Variants in NEGR1 observed in about 807,000 individuals in gnomAD.
NEGR1 encodes the protein IgLON family member 4.
In NEGR1, 10 loss-of-function variants were observed where a neutral mutation model predicts 40.9. That is an observed-to-expected ratio of 0.24 (90% CI 0.15 to 0.42). NEGR1 has a LOEUF of 0.42. NEGR1 is among the 10% of genes least tolerant of loss of function. The pLI, the probability that NEGR1 is intolerant of heterozygous loss-of-function variation, is 1.00. For missense variants in NEGR1, 352 were observed against 438.9 expected, an observed-to-expected ratio of 0.80 and a Z score of 1.77; for synonymous variants, 185 against 166.8, an observed-to-expected ratio of 1.11 and a Z score of -0.84.
chr1:71,867,208 T>C (rs1660140557), intron 2 of NEGR1, among the ~76,000 whole-genome samples: 1 of 152,102 alleles, frequency 6.6e-6, no homozygotes, highest in African/African-American at 2.4e-5. Flanking sequence ...ACTCTATCTC[T>C]ACTAAAAATA....
chr1:72,000,031 G>A (rs1446199674), intron 1 of NEGR1, among the ~76,000 whole-genome samples: 7 of 151,450 alleles, frequency 4.6e-5, no homozygotes, highest in South Asian at 2.1e-4. Flanking sequence ...TATGTTGTTC[G>A]GTTCCCAGAA....
chr1:71,827,913 A>G (rs1658696248), intron 2 of NEGR1, among the ~76,000 whole-genome samples: 1 of 151,938 alleles, frequency 6.6e-6, no homozygotes, highest in Admixed American at 6.6e-5. Flanking sequence ...AGAAAATGGA[A>G]CCAAATGAAA....
intron 3 of NEGR1, among the ~76,000 whole-genome samples, chr1:71,728,694 A>C (rs1266492604): frequency 6.6e-6 from 1 of 152,180 alleles, no homozygotes; most frequent in African/African-American, 2.4e-5. Context: ...TCTGTAAAGA[A>C]AGGAACATTG....
chr1:71,854,191 A>G (rs949122146), intron 2 of NEGR1, among the ~76,000 whole-genome samples: 6 of 152,014 alleles, frequency 3.9e-5, no homozygotes, highest in African/African-American at 9.7e-5. Flanking sequence ...TCTTCCATCA[A>G]AATATTTTTG....
intron 6 of NEGR1, among the ~76,000 whole-genome samples, chr1:71,549,907 A>G (rs1557563165): frequency 6.6e-6 from 1 of 151,698 alleles, no homozygotes; most frequent in Non-Finnish European, 1.5e-5. Flanking sequence ...AACAAACTTC[A>G]GTTGAAATCT....
At chr1:72,272,164 C>T (rs1655868567) in intron 1 of NEGR1, among the ~76,000 whole-genome samples, 1 of 151,746 alleles carries the variant, frequency 6.6e-6, no homozygotes, top group African/African-American at 2.4e-5. Context: ...AATTCTATGT[C>T]ATCCCAAGTG....
intron 6 of NEGR1, among the ~76,000 whole-genome samples, chr1:71,534,347 T>A (rs1038156396): frequency 6.6e-6 from 1 of 151,608 alleles, no homozygotes; most frequent in Non-Finnish European, 1.5e-5. Context: ...CCAAAAGACA[T>A]CTTTTGTGGG....
chr1:71,995,721 G>A (rs1646498748), intron 1 of NEGR1, among the ~76,000 whole-genome samples: 1 of 152,138 alleles, frequency 6.6e-6, no homozygotes, highest in Non-Finnish European at 1.5e-5. Flanking sequence ...ATGAATAATT[G>A]TAGCCAGAAA....
intron 2 of NEGR1, among the ~76,000 whole-genome samples, chr1:71,867,720 A>G (rs1400029140): frequency 6.6e-6 from 1 of 152,160 alleles, no homozygotes; most frequent in Non-Finnish European, 1.5e-5. Context: ...TATCATGTTT[A>G]TTATTAATTA....
At position 71,400,101 on chromosome 1, in the gene NEGR1, T is replaced by C. The variant is rs1646237305; in HGVS notation, c.*7345A>G. On this transcript the variant is annotated 3_prime_UTR_variant, in exon 7 of 7. Transcript: ENST00000357731. ...AAAAAGTCAAAATTGATGAAGAAAC[T>C]GGCAAATTCAAATTTCCACCAAGGA... is the stretch of plus-strand genomic sequence containing the variant. 6.6e-6 allele frequency: 1 copy of C among 152,190 alleles called. No individual in the cohort carries two copies. Among genetic ancestry groups the C allele is most frequent in the African/African-American group, 2.4e-5 (1 of 41,444 alleles). The allele number at this position is 152,190 out of a possible 1,614,324, so 9.4% of individuals were successfully genotyped here.
intron 1 of NEGR1, among the ~76,000 whole-genome samples, chr1:72,244,528 C>G (rs1434620153): frequency 6.6e-6 from 1 of 151,742 alleles, no homozygotes. Flanking sequence ...GTTTATGCAT[C>G]TTTTATTTCG....
chr1:71,494,719 T>C (rs1479111813), intron 6 of NEGR1, among the ~76,000 whole-genome samples: 1 of 152,040 alleles, frequency 6.6e-6, no homozygotes, highest in Admixed American at 6.6e-5. Context: ...TTCCCTGAAA[T>C]TGCATTGTTG....
intron 4 of NEGR1, among the ~76,000 whole-genome samples, chr1:71,617,862 T>G (rs1650494941): frequency 6.6e-6 from 1 of 152,150 alleles, no homozygotes; most frequent in South Asian, 2.1e-4. Context: ...GCAGAGTATC[T>G]GAGTTATGAA....
At chr1:71,865,715 C>T (rs1218688241) in intron 2 of NEGR1, among the ~76,000 whole-genome samples, 2 of 152,086 alleles carry the variant, frequency 1.3e-5, no homozygotes, top group Admixed American at 6.6e-5. Context: ...CAAACCTGCA[C>T]GTTCTGCACA....
At chr1:72,206,263 A>G (rs1653393757) in intron 1 of NEGR1, among the ~76,000 whole-genome samples, 1 of 152,054 alleles carries the variant, frequency 6.6e-6, no homozygotes, top group African/African-American at 2.4e-5. Context: ...CCAGATGATT[A>G]TATTTGAGCC....
intron 6 of NEGR1, among the ~76,000 whole-genome samples, chr1:71,545,655 A>C (rs187240362): frequency 6.6e-6 from 1 of 151,590 alleles, no homozygotes; most frequent in East Asian, 2.0e-4. Flanking sequence ...TTGTGTGCCA[A>C]ATCTCTCAAT....
chr1:72,115,675 A>T (rs1299152512), intron 1 of NEGR1, among the ~76,000 whole-genome samples: 1 of 151,716 alleles, frequency 6.6e-6, no homozygotes. Flanking sequence ...ACTTGGCTGG[A>T]GAGCTCTCCA....
intron 6 of NEGR1, among the ~76,000 whole-genome samples, chr1:71,480,471 G>A (rs1307964479): frequency 6.6e-6 from 1 of 151,552 alleles, no homozygotes; most frequent in Non-Finnish European, 1.5e-5. Context: ...TCTATGATTT[G>A]TTTATTAATT....
chr1:72,142,525 T>TA lies in NEGR1; in HGVS notation c.176+139793_176+139794insT, dbSNP rs149351302. ...CACAATAATCTGATACCTAGATAGA[T>TA]GATAGATAGATAGATAGATAGATAG... On this transcript the variant is annotated intron_variant, in intron 1 of 6. Coordinates refer to ENST00000357731, the MANE Select transcript of NEGR1 (RefSeq NM_173808.3). Among the ~76,000 whole-genome samples the TA allele has an allele frequency of 1.9e-4, 28 of 146,600 alleles. 1 individual carries two copies. Among genetic ancestry groups the TA allele is most frequent in the Admixed American group, 1.7e-3 (24 of 14,454 alleles).
Sources: gnomAD v4.1 joint callset for allele counts (sites outside exome capture counted in the v4.1 genomes callset) on GRCh38, gnomAD v4.1.1 for gene constraint, MANE v1.5 for transcripts, NCBI Gene and HGNC (gene_info 2026-07-23, HGNC 2026-07-21) for gene names.